Variants in KAT6B observed in about 807,000 individuals in gnomAD.
KAT6B encodes histone acetyltransferase KAT6B.
A neutral mutation model predicts 187.5 loss-of-function variants in KAT6B; 10 were observed. That is an observed-to-expected ratio of 0.05 (90% CI 0.03 to 0.09). The LOEUF is 0.09. Ranked by LOEUF, KAT6B falls within the 10% of genes least tolerant of loss-of-function variation. KAT6B has a pLI of 1.00. For missense variants in KAT6B, 1,952 were observed against 2,558.9 expected (o/e 0.76, Z 5.12); for synonymous variants, 861 against 926.8 (o/e 0.93, Z 1.29).
chr10:74,988,386 C>G (rs1165901086), intron 12 of KAT6B, among the ~76,000 whole-genome samples: 1 of 152,216 alleles, frequency 6.6e-6, no homozygotes, highest in Non-Finnish European at 1.5e-5. Flanking sequence ...ATATTTTGGT[C>G]TAACCTTTGT....
intron 13 of KAT6B, among the ~76,000 whole-genome samples, chr10:75,001,182 AGT>A (rs1843808619): frequency 6.6e-6 from 1 of 152,154 alleles, no homozygotes. Flanking sequence ...AGTATTAATC[AGT>A]GTGGTTTTCT....
At chr10:74,934,875 T>C (rs1849129746) in intron 3 of KAT6B, among the ~76,000 whole-genome samples, 1 of 152,212 alleles carries the variant, frequency 6.6e-6, no homozygotes, top group Admixed American at 6.5e-5. Context: ...ACCCCAATTA[T>C]ACTCACCTCT....
chr10:74,999,452 G>A (rs1843678478), intron 13 of KAT6B, among the ~76,000 whole-genome samples: 1 of 152,188 alleles, frequency 6.6e-6, no homozygotes, highest in South Asian at 2.1e-4. Flanking sequence ...AGGGAAACAG[G>A]GCTGAGGGTG....
chr10:74,891,140 G>A (rs1350159741), intron 3 of KAT6B, among the ~76,000 whole-genome samples: 1 of 152,230 alleles, frequency 6.6e-6, no homozygotes, highest in Non-Finnish European at 1.5e-5. Context: ...CTTTGCTATA[G>A]TGCAATTTGG....
At chr10:74,825,979 C>T (rs1285501557), upstream of KAT6B, among the ~76,000 whole-genome samples, 1 of 151,484 alleles carries the variant, frequency 6.6e-6, no homozygotes, top group African/African-American at 2.4e-5. This position sits in a 1 kb window ranked among gnomAD's most constrained non-coding sequence, Gnocchi z 5.0. Flanking sequence ...GCGGCGCGCC[C>T]GTCCGCACAC....
intron 11 of KAT6B, chr10:74,984,656 T>C (rs576991541): frequency 1.3e-3 from 243 of 189,450 alleles, no homozygotes; most frequent in Non-Finnish European, 1.8e-3. Flanking sequence ...TTTAGTTTTA[T>C]GTGAAACCCT....
At chr10:74,982,322 T>C in intron 11 of KAT6B, 1 of 282,414 alleles carries the variant, frequency 3.5e-6, no homozygotes, top group South Asian at 3.6e-5. Flanking sequence ...GCTGTACATA[T>C]CTCCTCAATA....
chr10:74,982,465 C>T (rs1378341500), intron 11 of KAT6B: 2 of 156,678 alleles, frequency 1.3e-5, no homozygotes, highest in Non-Finnish European at 2.8e-5. Flanking sequence ...TCACAGGAAC[C>T]CCTTGTGGCC....
At chr10:75,026,951 C>G (rs1290734760) in intron 17 of KAT6B, among the ~76,000 whole-genome samples, 1 of 152,116 alleles carries the variant, frequency 6.6e-6, no homozygotes, top group South Asian at 2.1e-4. Flanking sequence ...GCCTGACCAA[C>G]ATGGTGAAAC....
At chr10:74,884,563 T>C (rs1017958970) in intron 3 of KAT6B, among the ~76,000 whole-genome samples, 1 of 140,636 alleles carries the variant, frequency 7.1e-6, no homozygotes, top group African/African-American at 3.2e-5. Context: ...AAGGATTCTT[T>C]GGGTTTTCAA....
chr10:74,897,923 T>C (rs556322521), intron 3 of KAT6B, among the ~76,000 whole-genome samples: 2 of 152,330 alleles, frequency 1.3e-5, no homozygotes, highest in Admixed American at 6.5e-5. Flanking sequence ...TATAATTCAT[T>C]TGCAGATTAT....
At chr10:74,851,072 A>G (rs566767947) in intron 3 of KAT6B, among the ~76,000 whole-genome samples, 1 of 152,276 alleles carries the variant, frequency 6.6e-6, no homozygotes, top group Admixed American at 6.5e-5. Context: ...ACAAAATTAC[A>G]AAAACAGTGA....
intron 3 of KAT6B, among the ~76,000 whole-genome samples, chr10:74,887,003 A>G (rs1183109366): frequency 1.3e-5 from 2 of 152,174 alleles, no homozygotes; most frequent in Non-Finnish European, 2.9e-5. Context: ...AGAGGAATCA[A>G]AGACCTGATC....
At chr10:75,024,731 G>C (rs1845685927) in intron 16 of KAT6B, among the ~76,000 whole-genome samples, 1 of 152,186 alleles carries the variant, frequency 6.6e-6, no homozygotes, top group African/African-American at 2.4e-5. Context: ...TTCCCTCTCA[G>C]AGCATCTGCT....
At chr10:74,972,125 A>G (rs1047914246) in intron 6 of KAT6B, among the ~76,000 whole-genome samples, 14 of 152,068 alleles carry the variant, frequency 9.2e-5, no homozygotes, top group African/African-American at 4.8e-5. Flanking sequence ...AAGAGATGAT[A>G]AGACAATTTT....
At chr10:74,879,385 G>A (rs1172884843) in intron 3 of KAT6B, among the ~76,000 whole-genome samples, 5 of 152,156 alleles carry the variant, frequency 3.3e-5, no homozygotes, top group Admixed American at 6.5e-5. Flanking sequence ...AAATATGGAA[G>A]CAGGTCATTT....
intron 2 of KAT6B, among the ~76,000 whole-genome samples, chr10:74,840,304 G>T (rs558945009): frequency 2.0e-5 from 3 of 152,330 alleles, no homozygotes; most frequent in African/African-American, 7.2e-5. Flanking sequence ...ATGTGGAAGG[G>T]TTAAGAAACT....
At chr10:74,858,592 A>G (rs1018396090) in intron 3 of KAT6B, among the ~76,000 whole-genome samples, 8 of 151,892 alleles carry the variant, frequency 5.3e-5, no homozygotes, top group South Asian at 2.1e-4. Context: ...ATGATTTTTG[A>G]GAAGTACATT....
chr10:74,888,516 A>G (rs1349953927), intron 3 of KAT6B, among the ~76,000 whole-genome samples: 1 of 152,248 alleles, frequency 6.6e-6, no homozygotes, highest in Non-Finnish European at 1.5e-5. Context: ...AGTGAATTAC[A>G]CATTAAAGCA....
Sources: gnomAD v4.1 joint callset for allele counts (sites outside exome capture counted in the v4.1 genomes callset) on GRCh38, gnomAD v4.1.1 for gene constraint, Gnocchi (gnomAD v3.1) non-coding constraint, MANE v1.5 for transcripts, NCBI Gene and HGNC (gene_info 2026-07-23, HGNC 2026-07-21) for gene names.